Variants in PAPSS1 observed in about 807,000 individuals in gnomAD.
PAPSS1 encodes 3'-phosphoadenosine 5'-phosphosulfate synthase 1.
A neutral mutation model predicts 72.0 loss-of-function variants in PAPSS1; 50 were observed. The observed-to-expected ratio is 0.69, with a 90% confidence interval of 0.55 to 0.88. PAPSS1 has a LOEUF of 0.88. Ranked by LOEUF, PAPSS1 falls within the 40% of genes least tolerant of loss-of-function variation. PAPSS1 has a pLI of 0.00. For synonymous variants in PAPSS1, 261 were observed against 263.6 expected (o/e 0.99, Z 0.09); for missense variants, 657 against 782.2 (o/e 0.84, Z 1.91).
intron 1 of PAPSS1, among the ~76,000 whole-genome samples, chr4:107,711,188 C>T (rs1410146379): frequency 6.6e-6 from 1 of 152,216 alleles, no homozygotes; most frequent in East Asian, 1.9e-4. Context: ...ATTTGGAAAT[C>T]TTAAATCTAG....
chr4:107,658,325 A>C (rs1422257039), intron 6 of PAPSS1, among the ~76,000 whole-genome samples: 2 of 150,600 alleles, frequency 1.3e-5, no homozygotes, highest in Non-Finnish European at 3.0e-5. Context: ...ACTGCACTCC[A>C]GCCTGGGCAA....
chr4:107,650,561 C>A (rs28471012), intron 9 of PAPSS1, among the ~76,000 whole-genome samples: 36,739 of 152,058 alleles, frequency 0.24, 5,064 homozygotes, highest in Middle Eastern at 0.34. Context: ...ATAACATGGT[C>A]ACAGCAAGTC....
chr4:107,666,294 C>A (rs1727314591), intron 5 of PAPSS1, among the ~76,000 whole-genome samples: 1 of 152,152 alleles, frequency 6.6e-6, no homozygotes, highest in African/African-American at 2.4e-5. Context: ...AGCAAGAAGT[C>A]TACTTCCTTA....
intron 3 of PAPSS1, among the ~76,000 whole-genome samples, chr4:107,691,083 T>C (rs1193893650): frequency 6.6e-6 from 1 of 152,146 alleles, no homozygotes; most frequent in Non-Finnish European, 1.5e-5. Context: ...TTTTACAGAA[T>C]GTTTTAGGAC....
intron 2 of PAPSS1, among the ~76,000 whole-genome samples, chr4:107,696,561 G>A (rs1007569443): frequency 2.6e-5 from 4 of 152,046 alleles, no homozygotes; most frequent in Non-Finnish European, 4.4e-5. Context: ...AGGGCCTATC[G>A]GTGGGGAGGT....
chr4:107,646,992 C>T (rs190169710), intron 9 of PAPSS1, among the ~76,000 whole-genome samples: 271 of 152,278 alleles, frequency 1.8e-3, no homozygotes, highest in Middle Eastern at 3.4e-3. Flanking sequence ...CATCTCTTCA[C>T]AAGATCTGTC....
At chr4:107,640,722 A>G (rs1726516157) in intron 10 of PAPSS1, among the ~76,000 whole-genome samples, 1 of 152,222 alleles carries the variant, frequency 6.6e-6, no homozygotes, top group Non-Finnish European at 1.5e-5. Flanking sequence ...ATGGTCTGAA[A>G]TATTAAGATG....
At chr4:107,661,445 G>A (rs1011881812) in intron 5 of PAPSS1, among the ~76,000 whole-genome samples, 24 of 152,148 alleles carry the variant, frequency 1.6e-4, no homozygotes, top group Non-Finnish European at 2.5e-4. Flanking sequence ...GCCACAATGT[G>A]TCTTTAGTAG....
intron 5 of PAPSS1, among the ~76,000 whole-genome samples, chr4:107,668,888 C>T (rs527444792): frequency 3.3e-5 from 5 of 152,270 alleles, no homozygotes; most frequent in African/African-American, 1.2e-4. Flanking sequence ...TTTCAGCACA[C>T]ACATTTATAT....
intron 1 of PAPSS1, among the ~76,000 whole-genome samples, chr4:107,705,869 C>T (rs2125939074): frequency 6.6e-6 from 1 of 152,236 alleles, no homozygotes; most frequent in South Asian, 2.1e-4. Context: ...TGATGAACTC[C>T]CTTAGCTTTG....
chr4:107,655,787 C>G (rs1315758051), intron 7 of PAPSS1, among the ~76,000 whole-genome samples: 1 of 152,084 alleles, frequency 6.6e-6, no homozygotes, highest in African/African-American at 2.4e-5. Flanking sequence ...TTGCACCAAG[C>G]CCAAGACTAA....
intron 11 of PAPSS1, among the ~76,000 whole-genome samples, chr4:107,622,505 C>G (rs1329653296): frequency 6.6e-6 from 1 of 152,218 alleles, no homozygotes; most frequent in East Asian, 1.9e-4. Flanking sequence ...CTTCTCACCT[C>G]CCTACAATGG....
intron 6 of PAPSS1, among the ~76,000 whole-genome samples, chr4:107,659,474 A>C (rs1027372667): frequency 6.6e-6 from 1 of 152,176 alleles, no homozygotes; most frequent in Non-Finnish European, 1.5e-5. Flanking sequence ...TATAATTTCC[A>C]TTCTCATCAT....
rs1725842481 is a variant in PAPSS1, at chr4:107,617,049, C to T, written c.1737-2662G>A. Among the ~76,000 whole-genome samples, 3 of 152,020 alleles carry T rather than the reference C, an allele frequency of 2.0e-5. No individual in the cohort carries two copies. In the South Asian group the frequency reaches 6.2e-4, roughly 32 times the overall value. On this transcript the variant is annotated intron_variant, in intron 11 of 11. Transcript: ENST00000265174. ...CTGAGTCTAGCTATGAGCTTGTGGG[C>T]TATCCACTCACTAGGGTGGGCTCTA...
chr4:107,682,726 A>C (rs987259854), intron 4 of PAPSS1, among the ~76,000 whole-genome samples: 1 of 152,212 alleles, frequency 6.6e-6, no homozygotes, highest in African/African-American at 2.4e-5. Context: ...CATAAAACCA[A>C]ACCTGACAAG....
intron 3 of PAPSS1, among the ~76,000 whole-genome samples, chr4:107,692,219 T>C (rs11097963): frequency 0.82 from 125,241 of 152,036 alleles, 53,497 homozygotes; most frequent in South Asian, 0.95. Context: ...AAAGAGCTTC[T>C]GCACAGAAAA....
Position 107,674,794 on chromosome 4 carries a change from C to T in PAPSS1, c.669+7221G>A, listed in dbSNP as rs973134675. Among the ~76,000 whole-genome samples, 147 of 152,122 alleles carry T rather than the reference C, an allele frequency of 9.7e-4. 3 individuals are homozygous for T. The highest frequency in any genetic ancestry group is 3.3e-3 in the African/African-American group (135 of 41,396). On this transcript the variant is annotated intron_variant, in intron 5 of 11. Transcript: ENST00000265174. ...CCACATAGTTGGAAGTAAAGCACTC[C>T]TCAGCAAATGTAAAAGAAAAGAAAT...
chr4:107,636,150 T>C (rs1361037660), intron 10 of PAPSS1, among the ~76,000 whole-genome samples: 1 of 152,176 alleles, frequency 6.6e-6, no homozygotes, highest in African/African-American at 2.4e-5. Context: ...AGAAATATTG[T>C]GAGGCAAATA....
chr4:107,618,795 G>C (rs1193025235), intron 11 of PAPSS1, among the ~76,000 whole-genome samples: 2 of 152,094 alleles, frequency 1.3e-5, no homozygotes, highest in African/African-American at 4.8e-5. Context: ...CTCAGGACAA[G>C]ACTTAGCAAG....
Sources: allele counts gnomAD v4.1 joint callset (sites outside exome capture counted in the v4.1 genomes callset), GRCh38; gene constraint gnomAD v4.1.1; transcripts MANE v1.5; gene names NCBI Gene and HGNC (gene_info 2026-07-23, HGNC 2026-07-21).